Variants in MRTFB observed in about 807,000 individuals in gnomAD.
The protein encoded by MRTFB is myocardin related transcription factor B, also known as myocardin-related transcription factor B.
Under a neutral mutation model 104.2 loss-of-function variants are expected in MRTFB, and 29 were observed. The observed-to-expected ratio is 0.28, with a 90% CI of 0.21 to 0.38. The LOEUF (loss-of-function observed/expected upper bound fraction) is 0.38, where lower values mean the gene tolerates loss of function less well. MRTFB is among the 10% of genes least tolerant of loss of function. The pLI, the probability that MRTFB is intolerant of heterozygous loss-of-function variation, is 1.00. For synonymous variants in MRTFB, 535 were observed against 519.5 expected (o/e 1.03, Z -0.41); for missense variants, 1,270 against 1,341.6 (o/e 0.95, Z 0.83).
chr16:14,209,164 C>T (rs558030924), intron 3 of MRTFB, among the ~76,000 whole-genome samples: 25 of 152,280 alleles, frequency 1.6e-4, no homozygotes, highest in African/African-American at 5.8e-4. Flanking sequence ...GTCTGCAGGC[C>T]TCAAGGTTTT....
rs151000122 is a variant in MRTFB at position 14,099,382 on chromosome 16, GT to G, written c.-64+20043del. ...AAAATTACGTGGGTTTTTTTGGTGG[GT>G]TTTTTTTTTTTTTTAAGACAGAGGG... On this transcript the variant is annotated intron_variant, in intron 2 of 16. Transcript: ENST00000571589. Among the ~76,000 whole-genome samples the G allele has an allele frequency of 2.8e-3, 390 of 136,986 alleles. 4 individuals are homozygous for G. Among genetic ancestry groups the G allele is most frequent in the East Asian group, 0.024 (117 of 4,792 alleles). The allele number at this position is 136,986 out of a possible 152,430, so 89.9% of individuals were successfully genotyped here.
At chr16:14,062,746 G>GA in the MRTFB span, among the ~76,000 whole-genome samples, 4 of 152,170 alleles carry the variant, frequency 2.6e-5, no homozygotes, top group Non-Finnish European at 5.9e-5. Flanking sequence ...AAGCTTCTAG[G>GA]AAAAATGCCC....
the MRTFB span, chr16:14,018,817 T>C: frequency 6.6e-6 from 1 of 152,230 alleles, no homozygotes; most frequent in Non-Finnish European, 1.5e-5. Context: ...CACATATTTT[T>C]TTTTTTAAGA....
intron 3 of MRTFB, among the ~76,000 whole-genome samples, chr16:14,163,969 G>T (rs72785411): frequency 0.057 from 8,717 of 152,036 alleles, 498 homozygotes; most frequent in East Asian, 0.29. Context: ...GTAATATTTC[G>T]TTACACGTTG....
chr16:14,223,584 T>C (rs114544503), intron 8 of MRTFB, among the ~76,000 whole-genome samples: 3,692 of 151,968 alleles, frequency 0.024, 63 homozygotes, highest in Middle Eastern at 0.079. Flanking sequence ...AATTGAAAAA[T>C]TCACTAGAGG....
At chr16:14,114,179 A>G (rs1234125510) in intron 2 of MRTFB, among the ~76,000 whole-genome samples, 1 of 152,230 alleles carries the variant, frequency 6.6e-6, no homozygotes, top group Non-Finnish European at 1.5e-5. Flanking sequence ...ACATCTGAAT[A>G]TCTCAATTAT....
At chr16:14,067,660 T>C, upstream of MRTFB, among the ~76,000 whole-genome samples, 1 of 152,072 alleles carries the variant, frequency 6.6e-6, no homozygotes. Context: ...AAAAGCAGAG[T>C]CCTTTATAAA....
chr16:14,247,301 A>C lies in MRTFB; in HGVS notation c.2041A>C (p.Lys681Gln), dbSNP rs2043060913. The change falls in exon 12 of 17, where the codon AAG becomes CAG. Residue 681 changes from lysine to glutamine, a missense_variant. Lys to Gln is a moderately conservative substitution (Grantham distance 53). Around this residue, in one of 3 missense-constraint regions of MRTFB, gnomAD observed 1,144 missense variants for 1,131.5 expected, o/e 1.01. Coordinates refer to ENST00000571589, the MANE Select transcript of MRTFB (RefSeq NM_001308142.2). Reference protein sequence around the residue: ...TLVAKKAVVIKQEVPVGQAEQ... With the variant: ...TLVAKKAVVIQQEVPVGQAEQ... ...TGTTGCCAAAAAGGCTGTAGTTATC[A>C]AGCAAGAGGTCCCTGTGGGCCAGGC... 1 of 1,614,108 alleles carries C rather than the reference A, an allele frequency of 6.2e-7. No individual in the cohort carries two copies. The highest frequency in any genetic ancestry group is 8.5e-7 in the Non-Finnish European group (1 of 1,180,048).
At chr16:14,003,214 G>A in the MRTFB span, among the ~76,000 whole-genome samples, 126 of 152,232 alleles carry the variant, frequency 8.3e-4, 2 homozygotes, top group African/African-American at 2.9e-3. Context: ...CCAACACTCC[G>A]AGAGCCGCCA....
the MRTFB span, chr16:14,020,974 G>T: frequency 6.6e-6 from 1 of 152,222 alleles, no homozygotes; most frequent in Non-Finnish European, 1.5e-5. Context: ...AAGACTTTTT[G>T]TAGGAAGACA....
At chr16:14,008,032 ACT>A in the MRTFB span, among the ~76,000 whole-genome samples, 1 of 152,054 alleles carries the variant, frequency 6.6e-6, no homozygotes, top group Non-Finnish European at 1.5e-5. Context: ...GGTTGTCTTC[ACT>A]TTTTTGACGT....
At position 14,140,735 on chromosome 16, in the gene MRTFB, A is replaced by C. The variant is rs771444319; in HGVS notation, c.129A>C (p.Leu43Phe). ...TCTCCTTGCAGTCCAGTCAAAACTT[A>C]CCCCCTCTGAACGAAAGGAAAAATG... The part of the protein sequence containing the change: ...QELSLQSSQN[L>F]PPLNERKNVL... Residue 43 changes from leucine (L) to phenylalanine (F), a missense_variant, in exon 3 of 17, where the codon TTA (leucine) becomes TTC (phenylalanine). Leu to Phe is a conservative substitution (Grantham distance 22). Coordinates refer to ENST00000571589, the MANE Select transcript of MRTFB (RefSeq NM_001308142.2). The C allele has an allele frequency of 5.6e-6, 9 of 1,613,922 alleles. No homozygotes were observed. The highest frequency in any genetic ancestry group is 7.6e-6 in the Non-Finnish European group (9 of 1,179,986).
the MRTFB span, among the ~76,000 whole-genome samples, chr16:14,047,030 G>A: frequency 4.2e-3 from 641 of 152,272 alleles, 5 homozygotes; most frequent in African/African-American, 0.014. Flanking sequence ...TGTGCCTAGC[G>A]GCTGGAGATG....
rs150577246 is a variant in MRTFB, at chr16:14,079,352, G to A, written c.-66G>A. 68 of 350,954 alleles carry A rather than the reference G, an allele frequency of 1.9e-4. No homozygotes were observed. Among genetic ancestry groups the A allele is most frequent in the African/African-American group, 1.3e-3 (64 of 47,876 alleles). 21.7% of individuals were successfully genotyped at this position (350,954 alleles called of 1,614,324 possible). A position where few individuals can be genotyped will look rare whatever the true frequency, so the allele number is the denominator to read the frequency against. ...AGGAAAATAATTAAATATTCTTACC[G>A]AGGTAAGTTTTTTTATAATTTTTTT... On this transcript the variant is annotated splice_region_variant and 5_prime_UTR_variant, in exon 2 of 17. Transcript: ENST00000571589.
the MRTFB span, among the ~76,000 whole-genome samples, chr16:14,001,645 A>G: frequency 4.6e-5 from 7 of 152,236 alleles, no homozygotes; most frequent in South Asian, 1.4e-3. Flanking sequence ...CCCACGGTGA[A>G]CACTGATGAA....
chr16:14,184,789 A>G (rs930236569), intron 3 of MRTFB, among the ~76,000 whole-genome samples: 8 of 152,206 alleles, frequency 5.3e-5, no homozygotes, highest in African/African-American at 1.4e-4. Context: ...GAGCTGGAGC[A>G]TATTCTAGAA....
At chr16:14,072,013 G>A (rs2033732978) in intron 1 of MRTFB, among the ~76,000 whole-genome samples, 1 of 152,198 alleles carries the variant, frequency 6.6e-6, no homozygotes, top group Non-Finnish European at 1.5e-5. Flanking sequence ...CTGCTTGGAA[G>A]CAGAGGTGGG....
chr16:14,227,224 C>T (rs2042043611), intron 8 of MRTFB, among the ~76,000 whole-genome samples: 2 of 152,018 alleles, frequency 1.3e-5, no homozygotes, highest in South Asian at 4.1e-4. Context: ...TTAACAGCCT[C>T]CCTTAGAGAT....
chr16:14,261,215 G>T lies in MRTFB; in HGVS notation c.3071G>T (p.Gly1024Val), dbSNP rs775041214. ...DLQNDLLSHSGMLDHSHSPME... is the reference protein window; with the variant it reads ...DLQNDLLSHSVMLDHSHSPME... Reference sequence around the variant, plus strand: ...CAGAATGATCTGCTGAGTCACTCAGGTATGCTGGACCATTCACACTCACCC... The same window carrying T: ...CAGAATGATCTGCTGAGTCACTCAGTTATGCTGGACCATTCACACTCACCC... Residue 1024 changes from glycine (G) to valine (V), a missense_variant, in exon 17 of 17, where the codon GGT (glycine) becomes GTT (valine). Physicochemically the swap from Gly to Val is moderately radical, Grantham distance 109 (BLOSUM62 -3). Transcript: ENST00000571589. The T allele has an allele frequency of 1.2e-6, 2 of 1,614,094 alleles. No homozygotes were observed. Among genetic ancestry groups the T allele is most frequent in the African/African-American group, 2.7e-5 (2 of 75,026 alleles).
Sources: gnomAD v4.1 joint callset for allele counts (sites outside exome capture counted in the v4.1 genomes callset) on GRCh38, gnomAD v4.1.1 for gene constraint, gnomAD v4.1.1 regional missense constraint, MANE v1.5 for transcripts, NCBI Gene and HGNC (gene_info 2026-07-23, HGNC 2026-07-21) for gene names.